Variants in ELSPBP1 observed in about 807,000 individuals in gnomAD.
ELSPBP1 encodes epididymal sperm binding protein 1.
In ELSPBP1, 38 loss-of-function variants were observed where a neutral mutation model predicts 33.3. The ratio of observed to expected loss-of-function variants is 1.14; its 90% CI spans 0.88 to 1.50. The LOEUF is 1.50. ELSPBP1 is among the 40% of genes most tolerant of loss of function. The pLI is 0.00. For synonymous variants in ELSPBP1, 85 were observed against 94.1 expected, an observed-to-expected ratio of 0.90 and a Z score of 0.56; for missense variants, 267 against 263.5, an observed-to-expected ratio of 1.01 and a Z score of -0.09.
intron 6 of ELSPBP1, among the ~76,000 whole-genome samples, chr19:48,023,469 AGGAAGGGAGGAG>A (rs1197368680): frequency 1.1e-5 from 1 of 93,066 alleles, no homozygotes; most frequent in Non-Finnish European, 2.5e-5. Context: ...GAAGGAATGG[AGGAAGGGAGGAG>A]GGAAGGGAGG....
intron 1 of ELSPBP1, among the ~76,000 whole-genome samples, chr19:47,998,660 G>A (rs909840902): frequency 6.6e-6 from 1 of 152,024 alleles, no homozygotes; most frequent in East Asian, 2.0e-4. Context: ...GGTGGTGGGC[G>A]CCTGTAGTCC....
chr19:48,019,986 AG>A, intron 5 of ELSPBP1, 109 bp downstream of exon 5: 2 of 1,186,412 alleles, frequency 1.7e-6, no homozygotes, highest in Non-Finnish European at 2.3e-6. Flanking sequence ...TTGGGCACTG[AG>A]GATCTGGTGA....
intron 1 of ELSPBP1, among the ~76,000 whole-genome samples, chr19:47,998,140 G>A (rs914288375): frequency 2.2e-4 from 34 of 152,256 alleles, no homozygotes; most frequent in African/African-American, 6.0e-4. Flanking sequence ...TGGCCTGGGC[G>A]CGGTAGCTCA....
intron 1 of ELSPBP1, among the ~76,000 whole-genome samples, chr19:48,004,054 C>T (rs1253763687): frequency 3.3e-5 from 5 of 151,856 alleles, no homozygotes; most frequent in African/African-American, 1.2e-4. Context: ...AGCGATTTTC[C>T]TGGCTCAGCC....
chr19:48,013,174 C>A (rs1967095044), intron 2 of ELSPBP1, among the ~76,000 whole-genome samples: 1 of 152,152 alleles, frequency 6.6e-6, no homozygotes, highest in Admixed American at 6.5e-5. Context: ...CTAATGTGAT[C>A]TTGTGATCCA....
intron 1 of ELSPBP1, among the ~76,000 whole-genome samples, chr19:48,006,701 G>A (rs1298439131): frequency 1.3e-5 from 2 of 151,338 alleles, no homozygotes; most frequent in Non-Finnish European, 2.9e-5. Flanking sequence ...GCTGGTAAAC[G>A]GTGGAGCTGG....
chr19:48,008,856 C>A, intron 2 of ELSPBP1, 119 bp downstream of exon 2: 2 of 871,448 alleles, frequency 2.3e-6, no homozygotes, highest in Non-Finnish European at 3.6e-6. Context: ...TCAGAAGAAG[C>A]TGGGCGCGGT....
At chr19:48,009,136 CAAAAA>C (rs59636614) in intron 2 of ELSPBP1, among the ~76,000 whole-genome samples, 3 of 136,386 alleles carry the variant, frequency 2.2e-5, no homozygotes, top group Non-Finnish European at 3.1e-5. Flanking sequence ...AACTCCCTCT[CAAAAA>C]AAAAAAAAAA....
chr19:48,016,465 C>CTTCT (rs1196910160), intron 4 of ELSPBP1, among the ~76,000 whole-genome samples: 8 of 44,580 alleles, frequency 1.8e-4, no homozygotes, highest in East Asian at 2.4e-3. Context: ...CTTTTCTTTC[C>CTTCT]TTCTTTCTTT....
chr19:48,005,233 A>T (rs1967006188), intron 1 of ELSPBP1, among the ~76,000 whole-genome samples: 1 of 152,074 alleles, frequency 6.6e-6, no homozygotes, highest in African/African-American at 2.4e-5. Context: ...AAAGAAAAAA[A>T]CAAAAAGAGA....
At chr19:48,024,137 G>A (rs2122345377) in intron 6 of ELSPBP1, among the ~76,000 whole-genome samples, 1 of 151,834 alleles carries the variant, frequency 6.6e-6, no homozygotes, top group South Asian at 2.1e-4. Context: ...ATCCAACTCG[G>A]CCTCCCAAAG....
intron 1 of ELSPBP1, among the ~76,000 whole-genome samples, chr19:47,996,901 A>G (rs1966917223): frequency 2.6e-5 from 4 of 152,230 alleles, no homozygotes; most frequent in South Asian, 2.1e-4. Flanking sequence ...CATCATCATC[A>G]TCGTCATCAT....
intron 1 of ELSPBP1, among the ~76,000 whole-genome samples, chr19:47,997,464 C>T (rs543889324): frequency 1.3e-5 from 2 of 152,084 alleles, no homozygotes; most frequent in African/African-American, 2.4e-5. Context: ...GGCATGTGCA[C>T]GTATATGTAT....
At chr19:48,014,065 G>A in intron 2 of ELSPBP1, 106 bp from the exon 3 acceptor site, 1 of 1,337,656 alleles carries the variant, frequency 7.5e-7, no homozygotes, top group South Asian at 1.3e-5. Flanking sequence ...CGGGGGCAGG[G>A]AGGGAACACG....
chr19:48,000,170 A>T (rs1054436923), intron 1 of ELSPBP1, among the ~76,000 whole-genome samples: 4 of 151,820 alleles, frequency 2.6e-5, no homozygotes, highest in Admixed American at 2.6e-4. Flanking sequence ...ATGTGCCAAG[A>T]ACTCTGCTTA....
intron 2 of ELSPBP1, among the ~76,000 whole-genome samples, chr19:48,013,818 G>T (rs1046933271): frequency 1.3e-5 from 2 of 152,122 alleles, no homozygotes; most frequent in African/African-American, 4.8e-5. Context: ...AGGCTGAGAA[G>T]TCCAAGGGCA....
chr19:47,998,171 AG>A (rs937967386), intron 1 of ELSPBP1, among the ~76,000 whole-genome samples: 10 of 151,834 alleles, frequency 6.6e-5, no homozygotes, highest in African/African-American at 1.9e-4. Flanking sequence ...CCCAGCACTT[AG>A]GGGGGCTGAG....
At chr19:48,001,171 C>G (rs1459931553) in intron 1 of ELSPBP1, among the ~76,000 whole-genome samples, 1 of 144,582 alleles carries the variant, frequency 6.9e-6, no homozygotes, top group African/African-American at 2.6e-5. Flanking sequence ...CTGCCTCTCT[C>G]TCTGTTTTTT....
chr19:48,016,856 C>A (rs1967148018), intron 4 of ELSPBP1, among the ~76,000 whole-genome samples: 1 of 152,114 alleles, frequency 6.6e-6, no homozygotes. Context: ...GCCTCGGCCT[C>A]CCAAAATGCT....
Sources: allele counts gnomAD v4.1 joint callset (sites outside exome capture counted in the v4.1 genomes callset), GRCh38; gene constraint gnomAD v4.1.1; transcripts MANE v1.5; gene names NCBI Gene and HGNC (gene_info 2026-07-23, HGNC 2026-07-21).